The following PDE10A variants were observed in gnomAD, a reference collection of about 807,000 sequenced individuals.
PDE10A encodes cAMP and cAMP-inhibited cGMP 3',5'-cyclic phosphodiesterase 10A.
PDE10A carries 39 observed loss-of-function variants against 97.7 expected under a neutral mutation model. The ratio of observed to expected loss-of-function variants is 0.40; its 90% CI spans 0.31 to 0.52. The LOEUF (loss-of-function observed/expected upper bound fraction) is 0.52. Among genes scored for constraint, PDE10A ranks in the 20% least tolerant of loss-of-function variants. The probability of loss-of-function intolerance (pLI) is 0.56; values close to 1 mark genes in which losing one functional copy is unlikely to be tolerated. For missense variants in PDE10A, 731 were observed against 1,047.8 expected (o/e 0.70, Z 4.17); for synonymous variants, 371 against 376.8 (o/e 0.98, Z 0.18).
At chr6:165,402,437 T>C (rs1786741659) in intron 13 of PDE10A, among the ~76,000 whole-genome samples, 2 of 152,122 alleles carry the variant, frequency 1.3e-5, no homozygotes, top group Non-Finnish European at 2.9e-5. Flanking sequence ...TAGAAAATAA[T>C]ATAATCTAGG....
At chr6:165,423,710 C>T (rs1009805218) in intron 10 of PDE10A, among the ~76,000 whole-genome samples, 8 of 151,966 alleles carry the variant, frequency 5.3e-5, no homozygotes, top group African/African-American at 1.7e-4. Flanking sequence ...TACTAAAATA[C>T]AAAAATTAAG....
At chr6:165,595,103 A>C (rs949939763) in intron 1 of PDE10A, among the ~76,000 whole-genome samples, 21 of 152,200 alleles carry the variant, frequency 1.4e-4, no homozygotes. Context: ...TGGCAATCCC[A>C]GCCATCACTG....
chr6:165,562,983 C>T (rs553009162), intron 1 of PDE10A, among the ~76,000 whole-genome samples: 49 of 152,138 alleles, frequency 3.2e-4, no homozygotes, highest in African/African-American at 1.1e-3. Context: ...GAATTATCCA[C>T]AGAAAGCATC....
Position 165,413,655 on chromosome 6 carries a change from C to T in PDE10A, c.1922G>A (p.Arg641Gln), listed in dbSNP as rs759477275. The change falls in exon 13 of 22, where the codon CGG becomes CAG. Residue 641 changes from arginine (R) to glutamine (Q), a missense_variant. Physicochemically the swap from Arg to Gln is conservative, Grantham distance 43. Transcript: ENST00000539869. ...GACGATGGGCATGCACAGGATGTTC[C>T]GCGTGGTGTAGCCTGTGTACAAGTC... ...EVDLYTGYTT[R>Q]NILCMPIVSR... The T allele has an allele frequency of 3.1e-6, 5 of 1,614,020 alleles. No individual in the cohort carries two copies. Among genetic ancestry groups the T allele is most frequent in the South Asian group, 1.1e-5 (1 of 91,058 alleles).
intron 1 of PDE10A, among the ~76,000 whole-genome samples, chr6:165,569,192 T>C (rs1008902512): frequency 6.6e-6 from 1 of 152,224 alleles, no homozygotes; most frequent in African/African-American, 2.4e-5. Flanking sequence ...TACTTTAACT[T>C]ATGTGTGTCA....
At chr6:165,775,833 T>G (rs185311163) in intron 1 of PDE10A, 19 of 152,350 alleles carry the variant, frequency 1.2e-4, no homozygotes, top group African/African-American at 4.6e-4. Context: ...ACACAATTAA[T>G]TGATATTAAA....
chr6:165,701,612 G>T (rs1034370941), intron 1 of PDE10A, among the ~76,000 whole-genome samples: 2 of 152,032 alleles, frequency 1.3e-5, no homozygotes, highest in African/African-American at 2.4e-5. Flanking sequence ...AGATAGCTTG[G>T]TGTCATAAAG....
chr6:165,742,992 G>A (rs1346217372), intron 1 of PDE10A, among the ~76,000 whole-genome samples: 1 of 152,168 alleles, frequency 6.6e-6, no homozygotes, highest in Non-Finnish European at 1.5e-5. Flanking sequence ...AAAAGCACTG[G>A]CGCCTGCAGA....
chr6:165,477,018 A>C (rs1779333128), intron 3 of PDE10A, among the ~76,000 whole-genome samples: 1 of 152,166 alleles, frequency 6.6e-6, no homozygotes, highest in African/African-American at 2.4e-5. Flanking sequence ...AGTAATAATA[A>C]AGTAAAGGAT....
At position 165,339,319 on chromosome 6, in the gene PDE10A, TAG is replaced by T; in HGVS notation, c.2933_2934del (p.Pro978HisfsTer9). ...TCATCCTTCTTGTCTCTGTCCATCATAGGAATAGGCTGTATTCCCAATTTCTT... is the reference window on the plus strand; with the variant it reads ...TCATCCTTCTTGTCTCTGTCCATCATGAATAGGCTGTATTCCCAATTTCTT... The part of the protein sequence containing the change: ...EMKKLGIQPI[P>X]MMDRDKKDEV... On this transcript the variant is annotated frameshift_variant, in exon 20 of 22. Transcript: ENST00000539869. LOFTEE classifies it high-confidence loss of function. 6.2e-7 allele frequency: 1 copy of T among 1,606,498 alleles called. No homozygotes were observed. Among genetic ancestry groups the T allele is most frequent in the South Asian group, 1.1e-5 (1 of 90,970 alleles).
intron 1 of PDE10A, among the ~76,000 whole-genome samples, chr6:165,598,821 C>T (rs560353036): frequency 2.6e-5 from 4 of 152,244 alleles, no homozygotes; most frequent in Middle Eastern, 3.4e-3. Flanking sequence ...AGCACTGGGA[C>T]CTAGAGGGCC....
chr6:165,679,017 G>T (rs1057113376), intron 1 of PDE10A, among the ~76,000 whole-genome samples: 5 of 152,220 alleles, frequency 3.3e-5, no homozygotes, highest in African/African-American at 1.2e-4. Flanking sequence ...TCATGTGGAG[G>T]TTCTGGATTC....
At chr6:165,941,100 T>G (rs1783502071) in intron 1 of PDE10A, among the ~76,000 whole-genome samples, 1 of 152,162 alleles carries the variant, frequency 6.6e-6, no homozygotes, top group Non-Finnish European at 1.5e-5. Context: ...ATCTCACACT[T>G]GGTACTCTGA....
At chr6:165,541,594 T>C (rs1180057911) in intron 2 of PDE10A, among the ~76,000 whole-genome samples, 2 of 152,202 alleles carry the variant, frequency 1.3e-5, no homozygotes, top group African/African-American at 2.4e-5. Context: ...CTATTATCCC[T>C]CATTATATAG....
chr6:165,714,279 G>C (rs1424417872), intron 1 of PDE10A, among the ~76,000 whole-genome samples: 2 of 152,224 alleles, frequency 1.3e-5, no homozygotes, highest in African/African-American at 4.8e-5. Flanking sequence ...GCCTGCAGAG[G>C]GGGTGGCGTG....
rs200213442 is a variant in PDE10A, at chr6:165,518,446, T to C, written c.994+24994A>G. Among the ~76,000 whole-genome samples, 15 of 152,292 alleles carry C rather than the reference T, an allele frequency of 9.8e-5. 1 individual carries two copies. In the East Asian group the frequency reaches 2.9e-3, roughly 29 times the overall value. On this transcript the variant is annotated intron_variant, in intron 2 of 21. Coordinates refer to ENST00000539869, the MANE Select transcript of PDE10A (RefSeq NM_001385079.1). ...AGCTCCATTCTGCCCACGACATGAA[T>C]TTTCCCTTTGTCCAGAGTCTCCACG...
intron 10 of PDE10A, among the ~76,000 whole-genome samples, chr6:165,423,196 T>C (rs1032550372): frequency 6.6e-6 from 1 of 152,190 alleles, no homozygotes; most frequent in African/African-American, 2.4e-5. Flanking sequence ...CCGCTAATTA[T>C]ATAAGCCTGA....
chr6:165,379,740 T>G (rs932876810), intron 17 of PDE10A, among the ~76,000 whole-genome samples: 12 of 152,334 alleles, frequency 7.9e-5, no homozygotes, highest in African/African-American at 2.4e-4. Context: ...AATTAAAAAC[T>G]TCAGTAATTT....
At chr6:165,791,539 A>G (rs576237000) in intron 1 of PDE10A, among the ~76,000 whole-genome samples, 3 of 151,946 alleles carry the variant, frequency 2.0e-5, no homozygotes, top group South Asian at 2.1e-4. Flanking sequence ...GTGTTTTCCA[A>G]CCTCCCCGAT....
Sources: allele counts gnomAD v4.1 joint callset (sites outside exome capture counted in the v4.1 genomes callset), GRCh38; gene constraint gnomAD v4.1.1; transcripts MANE v1.5; gene names NCBI Gene and HGNC (gene_info 2026-07-23, HGNC 2026-07-21).